Variants in SLC7A9 observed in about 807,000 individuals in gnomAD.
SLC7A9 encodes solute carrier family 7 member 9, also known as B(0,+)-type amino acid transporter 1.
SLC7A9 carries 38 observed loss-of-function variants against 54.1 expected under a neutral mutation model. The ratio of observed to expected loss-of-function variants is 0.70; its 90% confidence interval spans 0.54 to 0.92. The LOEUF (loss-of-function observed/expected upper bound fraction) is 0.92, where lower values mean the gene tolerates loss of function less well. SLC7A9 is among the 40% of genes least tolerant of loss of function. The pLI is 0.00. For synonymous variants in SLC7A9, 264 were observed against 258.9 expected, an observed-to-expected ratio of 1.02 and a Z score of -0.19; for missense variants, 537 against 636.1, an observed-to-expected ratio of 0.84 and a Z score of 1.68.
At chr19:32,852,301 G>T (rs999201283) in intron 9 of SLC7A9, among the ~76,000 whole-genome samples, 3 of 151,908 alleles carry the variant, frequency 2.0e-5, no homozygotes, top group African/African-American at 7.3e-5. Flanking sequence ...GACCAGCTTG[G>T]GCAACATAGT....
chr19:32,868,625 G>A lies in SLC7A9; in HGVS notation c.-91C>T, dbSNP rs770701157. 9 of 1,072,170 alleles carry A rather than the reference G, an allele frequency of 8.4e-6. No individual in the cohort carries two copies. Among genetic ancestry groups the A allele is most frequent in the Non-Finnish European group, 1.2e-5 (8 of 689,724 alleles). The allele number at this position is 1,072,170 out of a possible 1,614,324, so 66.4% of individuals were successfully genotyped here. ...GCAGACAAGACGCAAGTGCAAGCTC[G>A]GCCTGGACTAGGGGAGCTGGCTGCA... On this transcript the variant is annotated 5_prime_UTR_variant, in exon 2 of 13. Transcript: ENST00000023064.
intron 9 of SLC7A9, among the ~76,000 whole-genome samples, chr19:32,857,336 C>G (rs1599677707): frequency 6.6e-6 from 1 of 151,900 alleles, no homozygotes; most frequent in South Asian, 2.1e-4. Flanking sequence ...CCCAGCTATT[C>G]CAGAGGCTGA....
intron 11 of SLC7A9, among the ~76,000 whole-genome samples, chr19:32,833,907 T>C (rs1967881136): frequency 6.6e-6 from 1 of 152,230 alleles, no homozygotes; most frequent in South Asian, 2.1e-4. Flanking sequence ...TTCTAATTTG[T>C]AATTTCTTCC....
intron 12 of SLC7A9, chr19:32,831,234 C>T (rs1461439752): frequency 1.3e-5 from 2 of 159,416 alleles, no homozygotes; most frequent in African/African-American, 4.8e-5. Flanking sequence ...ATAGGGTTTC[C>T]TGCAGTTGAA....
Position 32,862,518 on chromosome 19 carries a change from C to T in SLC7A9, c.547G>A (p.Ala183Thr), listed in dbSNP as rs201766636. Residue 183 changes from alanine to threonine, a missense_variant, in exon 5 of 13, where the codon GCC (alanine) becomes ACC (threonine). Coordinates refer to ENST00000023064, the MANE Select transcript of SLC7A9 (RefSeq NM_014270.5). ...GSYVQNIFTA[A>T]KLVIVAIIII... ...ATGATGGCCACGATCACCAGCTTGGCCGCGGTGAAGATGTTCTGGACGTAG... is the reference window on the plus strand; with the variant it reads ...ATGATGGCCACGATCACCAGCTTGGTCGCGGTGAAGATGTTCTGGACGTAG... The T allele has an allele frequency of 3.9e-5, 63 of 1,613,588 alleles. No homozygotes were observed. The Admixed American group carries it at 1.0e-3, about 26-fold the overall frequency.
intron 11 of SLC7A9, among the ~76,000 whole-genome samples, chr19:32,836,140 C>G (rs907474652): frequency 5.9e-5 from 9 of 152,264 alleles, no homozygotes; most frequent in South Asian, 2.1e-4. Context: ...GTCTCGATCT[C>G]CTGACCTTGT....
intron 9 of SLC7A9, among the ~76,000 whole-genome samples, chr19:32,853,563 T>C (rs1968529769): frequency 6.6e-6 from 1 of 152,098 alleles, no homozygotes; most frequent in Non-Finnish European, 1.5e-5. Context: ...TTCTTTGGAA[T>C]AAATTTGACA....
In SLC7A9 at chr19:32,833,247, G is replaced by T. The variant is rs1200352866; in HGVS notation, c.1301C>A (p.Thr434Asn). ...CAGCACACAGTAGAGGTACTCCCAG[G>T]TGGGCTTGCTGATGATTGGAGCCAG... ...LVLAPIISKP[T>N]WEYLYCVLFI... is the part of the protein sequence containing the mutation. Residue 434 changes from threonine to asparagine, a missense_variant, in exon 12 of 13, where the codon ACC (threonine) becomes AAC (asparagine). Physicochemically the swap from Thr to Asn is moderately conservative, Grantham distance 65 (BLOSUM62 0). Transcript: ENST00000023064. 1.2e-6 allele frequency: 2 copies of T among 1,614,068 alleles called. No individual in the cohort carries two copies. The highest frequency in any genetic ancestry group is 1.6e-4 in the Middle Eastern group (1 of 6,082).
intron 2 of SLC7A9, among the ~76,000 whole-genome samples, chr19:32,865,763 G>C (rs1025388080): frequency 6.6e-6 from 1 of 152,132 alleles, no homozygotes; most frequent in African/African-American, 2.4e-5. Flanking sequence ...CTGAGGTTGG[G>C]AGTGGGAGAC....
chr19:32,864,367 G>A, intron 3 of SLC7A9, 29 bp from the exon 4 acceptor site: 1 of 1,612,986 alleles, frequency 6.2e-7, no homozygotes, highest in Non-Finnish European at 8.5e-7. Flanking sequence ...GGGCCCACAG[G>A]CCCCTTGTGA....
At position 32,831,590 on chromosome 19, in the gene SLC7A9, A is replaced by G. The variant is rs150500060; in HGVS notation, c.1400-906T>C. 4.4e-3 allele frequency among the ~76,000 whole-genome samples: 676 copies of G among 152,192 alleles called. 5 individuals carry two copies. Among genetic ancestry groups the G allele is most frequent in the African/African-American group, 0.015 (641 of 41,532 alleles). ...GACATGAGCCACCGTGCCCGGCCCGATATAGACTTTTTTAAAGGTGTAATT... is the reference window on the plus strand; with the variant it reads ...GACATGAGCCACCGTGCCCGGCCCGGTATAGACTTTTTTAAAGGTGTAATT... On this transcript the variant is annotated intron_variant, in intron 12 of 12. Transcript: ENST00000023064.
chr19:32,842,700 C>T (rs542903895), intron 10 of SLC7A9, among the ~76,000 whole-genome samples: 22 of 151,972 alleles, frequency 1.4e-4, no homozygotes, highest in African/African-American at 5.3e-4. Flanking sequence ...GCAACCTCCG[C>T]CTCCCAAGTT....
rs1968993517 is a variant in SLC7A9 at position 32,867,100 on chromosome 19, G to C, written c.87+1348C>G. 9.8e-5 allele frequency among the ~76,000 whole-genome samples: 15 copies of C among 152,316 alleles called. No individual in the cohort carries two copies. The South Asian group carries it at 3.1e-3, about 32-fold the overall frequency. Reference sequence around the variant, plus strand: ...AGCCCAACTCAGAGCAGCTGTCCCTGGTAGATGCCTCTAAGACAGAACAGG... The same window carrying C: ...AGCCCAACTCAGAGCAGCTGTCCCTCGTAGATGCCTCTAAGACAGAACAGG... On this transcript the variant is annotated intron_variant, in intron 2 of 12. Transcript: ENST00000023064.
chr19:32,847,301 A>G (rs7249661), intron 9 of SLC7A9, among the ~76,000 whole-genome samples: 89,400 of 152,006 alleles, frequency 0.59, 27,169 homozygotes, highest in East Asian at 0.83. Flanking sequence ...AAAATTAGAC[A>G]AATGGATAAC....
chr19:32,830,743 G>A (rs1967758012), intron 12 of SLC7A9, 59 bp from the exon 13 acceptor site: 2 of 1,379,718 alleles, frequency 1.4e-6, no homozygotes, highest in Non-Finnish European at 2.1e-6. Flanking sequence ...AAGTTTCACT[G>A]GAGTTGTTGT....
intron 12 of SLC7A9, 34 bp from the exon 13 acceptor site, chr19:32,830,718 T>C (rs1214764016): frequency 1.9e-6 from 3 of 1,571,588 alleles, no homozygotes; most frequent in South Asian, 2.2e-5. Flanking sequence ...TACAGTTAGT[T>C]AGACTGAAAT....
At chr19:32,842,074 G>A in intron 11 of SLC7A9, 94 bp downstream of exon 11, 2 of 1,208,700 alleles carry the variant, frequency 1.7e-6, no homozygotes, top group Non-Finnish European at 2.4e-6. Flanking sequence ...AAGTCAGATT[G>A]GAACTAGAAG....
chr19:32,860,335 T>C lies in SLC7A9; in HGVS notation c.749+271A>G, dbSNP rs1968761495. The C allele has an allele frequency of 6.5e-6, 9 of 1,378,024 alleles. No individual in the cohort carries two copies. In the South Asian group the frequency reaches 1.4e-4, roughly 21 times the overall value. 85.4% of individuals were successfully genotyped at this position (1,378,024 alleles called of 1,614,324 possible). A position where few individuals can be genotyped will look rare whatever the true frequency, so the allele number is the denominator to read the frequency against. ...ACTTTGGGAGGCCGAGATGGGCGAATCTCTTGAGGTTGGGAGTTCAAGACC... is the reference window on the plus strand; with the variant it reads ...ACTTTGGGAGGCCGAGATGGGCGAACCTCTTGAGGTTGGGAGTTCAAGACC... On this transcript the variant is annotated intron_variant, in intron 7 of 12. Transcript: ENST00000023064.
rs142579958 is a variant in SLC7A9, at chr19:32,868,123, C to A, written c.87+325G>T. On this transcript the variant is annotated intron_variant, in intron 2 of 12. Transcript: ENST00000023064. ...GCGGGTGCTTGTAATCCCAGCTACT[C>A]GGGAGGCTGAGTCAGAAGAATCCCT... Among the ~76,000 whole-genome samples, 201 of 146,990 alleles carry A rather than the reference C, an allele frequency of 1.4e-3. 7 individuals carry two copies. In the East Asian group the frequency reaches 0.037, roughly 27 times the overall value.
Sources: gnomAD v4.1 joint callset for allele counts (sites outside exome capture counted in the v4.1 genomes callset) on GRCh38, gnomAD v4.1.1 for gene constraint, MANE v1.5 for transcripts, NCBI Gene and HGNC (gene_info 2026-07-23, HGNC 2026-07-21) for gene names.